Variants in ADARB2 observed in about 807,000 individuals in gnomAD.
The protein encoded by ADARB2 is inactive double-stranded RNA-specific editase B2.
ADARB2 carries 25 observed loss-of-function variants against 62.2 expected under a neutral mutation model. That is an observed-to-expected ratio of 0.40 (90% CI 0.29 to 0.56). The LOEUF (loss-of-function observed/expected upper bound fraction) is 0.56. Ranked by LOEUF, ADARB2 falls within the 20% of genes least tolerant of loss-of-function variation. The probability of loss-of-function intolerance (pLI) is 0.43; values close to 1 mark genes in which losing one functional copy is unlikely to be tolerated. For missense variants in ADARB2, 1,071 were observed against 1,077.4 expected (o/e 0.99, Z 0.08); for synonymous variants, 572 against 500.8 (o/e 1.14, Z -1.90).
intron 7 of ADARB2, among the ~76,000 whole-genome samples, chr10:1,203,362 C>T (rs945279126): frequency 2.6e-5 from 4 of 152,170 alleles, no homozygotes; most frequent in Admixed American, 6.5e-5. Flanking sequence ...TTGACGACAC[C>T]TCAGGCTGTC....
chr10:1,629,113 G>GA (rs1253830294), intron 1 of ADARB2, among the ~76,000 whole-genome samples: 8 of 152,212 alleles, frequency 5.3e-5, no homozygotes, highest in African/African-American at 1.9e-4. Flanking sequence ...TAGCAACACA[G>GA]AGTCCACGAG....
chr10:1,383,866 T>C (rs190647124), intron 1 of ADARB2, among the ~76,000 whole-genome samples: 27 of 152,362 alleles, frequency 1.8e-4, no homozygotes, highest in Middle Eastern at 3.4e-3. Context: ...TATCTTTTTC[T>C]GCCCGAGTAA....
rs561032076 is a variant in ADARB2 at position 1,629,716 on chromosome 10, G to A, written c.100+107335C>T. Among the ~76,000 whole-genome samples the A allele has an allele frequency of 2.6e-5, 4 of 152,026 alleles. No homozygotes were observed. The South Asian group carries it at 8.4e-4, about 32-fold the overall frequency. On this transcript the variant is annotated intron_variant, in intron 1 of 9. Coordinates refer to ENST00000381312, the MANE Select transcript of ADARB2 (RefSeq NM_018702.4). ...CAAACTGCCATCCCTGACAAGACACGTTGTCTCTCTTCACTAAACCCCTAC... is the reference window on the plus strand; with the variant it reads ...CAAACTGCCATCCCTGACAAGACACATTGTCTCTCTTCACTAAACCCCTAC...
At chr10:1,702,442 T>A (rs1342359181) in intron 1 of ADARB2, among the ~76,000 whole-genome samples, 1 of 152,174 alleles carries the variant, frequency 6.6e-6, no homozygotes, top group Non-Finnish European at 1.5e-5. Flanking sequence ...TGACTCTTCC[T>A]CTCTCTTGAG....
chr10:1,530,530 C>T (rs752955106), intron 1 of ADARB2, among the ~76,000 whole-genome samples: 10 of 152,240 alleles, frequency 6.6e-5, no homozygotes, highest in South Asian at 2.1e-4. Context: ...AGCCACAGGA[C>T]GAGACTCCTT....
intron 1 of ADARB2, among the ~76,000 whole-genome samples, chr10:1,646,107 T>A (rs1834037877): frequency 6.6e-6 from 1 of 152,172 alleles, no homozygotes; most frequent in Non-Finnish European, 1.5e-5. Flanking sequence ...CCATGTGGAC[T>A]CTACAAGGTG....
chr10:1,224,135 T>A (rs1830721996), intron 6 of ADARB2, among the ~76,000 whole-genome samples: 1 of 152,216 alleles, frequency 6.6e-6, no homozygotes, highest in South Asian at 2.1e-4. Context: ...ATTCAGCTTC[T>A]TCCTTGTTTA....
At chr10:1,712,932 GGTCAA>G (rs2119153479) in intron 1 of ADARB2, among the ~76,000 whole-genome samples, 1 of 152,086 alleles carries the variant, frequency 6.6e-6, no homozygotes, top group East Asian at 1.9e-4. Flanking sequence ...TCACTGCATT[GGTCAA>G]AAATGATTTT....
chr10:1,348,249 C>A (rs1199947244), intron 3 of ADARB2, among the ~76,000 whole-genome samples: 1 of 152,146 alleles, frequency 6.6e-6, no homozygotes, highest in Admixed American at 6.5e-5. Context: ...AGGAAACTGT[C>A]TGATGTCTCT....
chr10:1,390,152 A>C (rs1482701536), intron 1 of ADARB2, among the ~76,000 whole-genome samples: 1 of 152,248 alleles, frequency 6.6e-6, no homozygotes, highest in Admixed American at 6.5e-5. Context: ...AAAATTTTAC[A>C]TTATGATATA....
chr10:1,440,785 G>A (rs1830896311), intron 1 of ADARB2, among the ~76,000 whole-genome samples: 1 of 152,208 alleles, frequency 6.6e-6, no homozygotes, highest in African/African-American at 2.4e-5. Flanking sequence ...GAAATGCCAG[G>A]AGATGAAACT....
rs368795017 is a variant in ADARB2 at position 1,222,427 on chromosome 10, C to A, written c.1514-5308G>T. Among the ~76,000 whole-genome samples, 1,061 of 151,782 alleles carry A rather than the reference C, an allele frequency of 7.0e-3. 10 individuals are homozygous for A. Among genetic ancestry groups the A allele is most frequent in the South Asian group, 0.035 (169 of 4,810 alleles). ...AGAAGCTCTTTAGTTTAATTAGATC[C>A]CATTTGTCAATCTTGGCTTTTGTTG... On this transcript the variant is annotated intron_variant, in intron 6 of 9. Coordinates refer to ENST00000381312, the MANE Select transcript of ADARB2 (RefSeq NM_018702.4).
chr10:1,590,873 AGC>A (rs1346483170), intron 1 of ADARB2, among the ~76,000 whole-genome samples: 1 of 152,084 alleles, frequency 6.6e-6, no homozygotes, highest in Non-Finnish European at 1.5e-5. Context: ...CTGCTGCAGG[AGC>A]TGTGATGAGA....
In ADARB2 at chr10:1,726,381, C is replaced by T. The variant is rs530873088; in HGVS notation, c.100+10670G>A. On this transcript the variant is annotated intron_variant, in intron 1 of 9. Coordinates refer to ENST00000381312, the MANE Select transcript of ADARB2 (RefSeq NM_018702.4). ...TATCTAATAAGATAAGACCAAGAGACATGCTGTCTACATAGAAACAAGGGA... is the reference window on the plus strand; with the variant it reads ...TATCTAATAAGATAAGACCAAGAGATATGCTGTCTACATAGAAACAAGGGA... Among the ~76,000 whole-genome samples, 56 of 151,912 alleles carry T rather than the reference C, an allele frequency of 3.7e-4. 1 individual carries two copies. Among genetic ancestry groups the T allele is most frequent in the Admixed American group, 2.7e-3 (41 of 15,228 alleles).
chr10:1,304,136 T>G (rs1433811619), intron 3 of ADARB2, among the ~76,000 whole-genome samples: 2 of 151,776 alleles, frequency 1.3e-5, no homozygotes, highest in African/African-American at 2.4e-5. Context: ...ACCCATCTCA[T>G]GTGCAGAGAC....
Position 1,599,995 on chromosome 10 carries a change from T to G in ADARB2, c.100+137056A>C, listed in dbSNP as rs148460790. ...CTTGGGCTCCAGAGATCTGAGCACC[T>G]AGGCCTCCCAAAGTGCTGGGATTAC... On this transcript the variant is annotated intron_variant, in intron 1 of 9. Coordinates refer to ENST00000381312, the MANE Select transcript of ADARB2 (RefSeq NM_018702.4). Among the ~76,000 whole-genome samples the G allele has an allele frequency of 2.8e-3, 425 of 152,304 alleles. 2 individuals carry two copies. Among genetic ancestry groups the G allele is most frequent in the African/African-American group, 9.4e-3 (391 of 41,570 alleles).
At chr10:1,650,235 T>A (rs949992091) in intron 1 of ADARB2, among the ~76,000 whole-genome samples, 1 of 152,188 alleles carries the variant, frequency 6.6e-6, no homozygotes, top group African/African-American at 2.4e-5. Flanking sequence ...TTATGTTTTT[T>A]GGGGGTAAGA....
At chr10:1,702,070 C>G (rs541037171) in intron 1 of ADARB2, among the ~76,000 whole-genome samples, 1 of 152,224 alleles carries the variant, frequency 6.6e-6, no homozygotes, top group African/African-American at 2.4e-5. Flanking sequence ...GATGTAGAAG[C>G]CCTGATTGGC....
intron 1 of ADARB2, among the ~76,000 whole-genome samples, chr10:1,708,560 G>T (rs1160516868): frequency 6.6e-6 from 1 of 152,200 alleles, no homozygotes; most frequent in Non-Finnish European, 1.5e-5. Flanking sequence ...TCAAGAATTT[G>T]CAGGAAAAGC....
Sources: allele counts gnomAD v4.1 joint callset (sites outside exome capture counted in the v4.1 genomes callset), GRCh38; gene constraint gnomAD v4.1.1; transcripts MANE v1.5; gene names NCBI Gene and HGNC (gene_info 2026-07-23, HGNC 2026-07-21).